The following ANK2 variants were observed in gnomAD, a reference collection of about 807,000 sequenced individuals.
ANK2 encodes ankyrin 2.
Under a neutral mutation model 360.5 loss-of-function variants are expected in ANK2, and 83 were observed. The ratio of observed to expected loss-of-function variants is 0.23; its 90% CI spans 0.19 to 0.28. ANK2 has a LOEUF of 0.28. ANK2 is among the 10% of genes least tolerant of loss of function. ANK2 has a pLI of 1.00. For missense variants in ANK2, 4,201 were observed against 4,795.7 expected, an observed-to-expected ratio of 0.88 and a Z score of 3.66; for synonymous variants, 1,740 against 1,759.5, an observed-to-expected ratio of 0.99 and a Z score of 0.28.
chr4:113,165,226 A>G (rs990289237), intron 1 of ANK2, among the ~76,000 whole-genome samples: 1 of 152,202 alleles, frequency 6.6e-6, no homozygotes, highest in Non-Finnish European at 1.5e-5. Flanking sequence ...TGTTTTAAAA[A>G]TAAGTTTTTC....
chr4:112,918,867 C>T (rs560923628), intron 2 of ANK2, among the ~76,000 whole-genome samples: 5 of 152,216 alleles, frequency 3.3e-5, no homozygotes, highest in Admixed American at 6.5e-5. Flanking sequence ...TTGGCTACTT[C>T]TTGAACGTGG....
Position 113,323,743 on chromosome 4 carries a change from A to G in ANK2, c.2900+5123A>G, listed in dbSNP as rs1007302035. ...ATCCGTTCCTTCTCTGTGCTAAAGT[A>G]TCTATTCTGTTGCAGCCGCGCCTCT... On this transcript the variant is annotated intron_variant, in intron 26 of 45. Coordinates refer to ENST00000357077, the MANE Select transcript of ANK2 (RefSeq NM_001148.6). 3.1e-6 allele frequency: 5 copies of G among 1,610,122 alleles called. No homozygotes were observed. The African/African-American group carries it at 4.0e-5, about 13-fold the overall frequency.
At chr4:112,900,413 C>T (rs564081023) in intron 1 of ANK2, among the ~76,000 whole-genome samples, 58 of 152,036 alleles carry the variant, frequency 3.8e-4, no homozygotes, top group African/African-American at 1.3e-3. Context: ...ACATTGCTTT[C>T]GGTTATGGTG....
chr4:113,126,233 T>C (rs960451651), intron 1 of ANK2, among the ~76,000 whole-genome samples: 1 of 152,180 alleles, frequency 6.6e-6, no homozygotes, highest in African/African-American at 2.4e-5. Flanking sequence ...TTTACAAAGA[T>C]CTGATGGCAG....
At chr4:113,223,017 T>C (rs1347363048) in intron 4 of ANK2, among the ~76,000 whole-genome samples, 1 of 152,222 alleles carries the variant, frequency 6.6e-6, no homozygotes, top group Non-Finnish European at 1.5e-5. Context: ...AAGTAGTCTT[T>C]ATTTTTGTGA....
Position 113,235,150 on chromosome 4 carries a change from C to A in ANK2, c.484-1837C>A, listed in dbSNP as rs940363474. On this transcript the variant is annotated intron_variant, in intron 5 of 45. Coordinates refer to ENST00000357077, the MANE Select transcript of ANK2 (RefSeq NM_001148.6). ...CTAAGAAAAAGATTAATTTCACACTCTTTTAATATAAACTATCACAGTGCT... is the reference window on the plus strand; with the variant it reads ...CTAAGAAAAAGATTAATTTCACACTATTTTAATATAAACTATCACAGTGCT... 2.0e-5 allele frequency among the ~76,000 whole-genome samples: 3 copies of A among 152,188 alleles called. No individual in the cohort carries two copies. In the South Asian group the frequency reaches 6.2e-4, roughly 31 times the overall value.
chr4:113,357,883 A>G lies in ANK2; in HGVS notation c.9265A>G (p.Thr3089Ala). Residue 3089 changes from threonine (T) to alanine (A), a missense_variant, in exon 38 of 46, where the codon ACT becomes GCT. Thr to Ala is a moderately conservative substitution (Grantham distance 58). Around this residue, in one of 4 missense-constraint regions of ANK2, gnomAD observed 2,642 missense variants for 2,714.5 expected, o/e 0.97. Coordinates refer to ENST00000357077, the MANE Select transcript of ANK2 (RefSeq NM_001148.6). ...TPDTTPARTP[T>A]EEGTPTSEQN... The stretch of plus-strand genomic sequence containing the variant: ...TGACACCACTCCTGCTAGGACCCCA[A>G]CTGAAGAGGGGACCCCAACAAGTGA... 1 of 1,614,046 alleles carries G rather than the reference A, an allele frequency of 6.2e-7. No homozygotes were observed. The highest frequency in any genetic ancestry group is 8.5e-7 in the Non-Finnish European group (1 of 1,179,962).
chr4:112,769,133 G>A, the ANK2 span, among the ~76,000 whole-genome samples: 8 of 152,128 alleles, frequency 5.3e-5, no homozygotes, highest in Admixed American at 2.0e-4. Flanking sequence ...TTGGATAACT[G>A]GTTTCTTCTT....
At chr4:113,110,004 C>T (rs1035731101) in intron 1 of ANK2, among the ~76,000 whole-genome samples, 4 of 152,048 alleles carry the variant, frequency 2.6e-5, no homozygotes, top group Admixed American at 6.6e-5. Flanking sequence ...TGAGTTTGCA[C>T]GAGTGGGCAT....
chr4:112,808,606 A>T, the ANK2 span, among the ~76,000 whole-genome samples: 1 of 152,318 alleles, frequency 6.6e-6, no homozygotes, highest in East Asian at 1.9e-4. Flanking sequence ...AAACAAGAAG[A>T]CAGAAACACC....
At chr4:113,188,280 A>G (rs1006797813) in intron 2 of ANK2, among the ~76,000 whole-genome samples, 4 of 152,196 alleles carry the variant, frequency 2.6e-5, no homozygotes, top group African/African-American at 9.6e-5. Context: ...ATTAATTGTT[A>G]TAATTTCTTT....
chr4:112,914,316 G>A lies in ANK2; in HGVS notation c.21+9802G>A, dbSNP rs184258348. Among the ~76,000 whole-genome samples the A allele has an allele frequency of 1.2e-4, 19 of 152,290 alleles. No homozygotes were observed. The East Asian group carries it at 2.5e-3, about 20-fold the overall frequency. ...TAGGGTAAAATTAGGTGTGCATATC[G>A]TATCTAAAGTGAACTAAAATCTGGC... On this transcript the variant is annotated intron_variant, in intron 2 of 30. Coordinates refer to the ANK2 transcript ENST00000503271.
chr4:113,168,445 C>G (rs1583642362), intron 1 of ANK2, among the ~76,000 whole-genome samples: 1 of 152,154 alleles, frequency 6.6e-6, no homozygotes, highest in Non-Finnish European at 1.5e-5. Flanking sequence ...AACACAAAGG[C>G]CATTGGATTA....
chr4:112,945,851 C>T (rs1296598503), intron 2 of ANK2, among the ~76,000 whole-genome samples: 1 of 152,120 alleles, frequency 6.6e-6, no homozygotes, highest in Non-Finnish European at 1.5e-5. Flanking sequence ...CAGAGCCTTG[C>T]CTAGAACCCA....
intron 1 of ANK2, among the ~76,000 whole-genome samples, chr4:113,078,003 T>C (rs1032292524): frequency 1.3e-4 from 20 of 152,180 alleles, no homozygotes; most frequent in African/African-American, 4.3e-4. Flanking sequence ...GGAAACTCAA[T>C]TGGACATCAG....
intron 1 of ANK2, among the ~76,000 whole-genome samples, chr4:113,086,587 C>T (rs943406762): frequency 6.6e-6 from 1 of 152,110 alleles, no homozygotes. Flanking sequence ...AGACAATTAA[C>T]ACATAAGCCA....
At chr4:113,117,324 G>A (rs2094905822) in intron 1 of ANK2, 1 of 456,122 alleles carries the variant, frequency 2.2e-6, no homozygotes, top group Middle Eastern at 3.3e-4. Flanking sequence ...AAAAAAGTTC[G>A]AGAGGCTGAT....
intron 5 of ANK2, among the ~76,000 whole-genome samples, chr4:113,234,514 A>G (rs150016507): frequency 2.6e-5 from 4 of 152,232 alleles, no homozygotes; most frequent in Non-Finnish European, 4.4e-5. Context: ...AAATCTTTAC[A>G]TATTCCTTTT....
chr4:113,114,562 AT>A (rs35044390), intron 1 of ANK2, among the ~76,000 whole-genome samples: 99,367 of 151,616 alleles, frequency 0.66, 32,854 homozygotes, highest in Non-Finnish European at 0.68. Flanking sequence ...CCATCCCTAA[AT>A]TTTTTTTTAC....
Sources: gnomAD v4.1 joint callset for allele counts (sites outside exome capture counted in the v4.1 genomes callset) on GRCh38, gnomAD v4.1.1 for gene constraint, gnomAD v4.1.1 regional missense constraint, MANE v1.5 for transcripts, NCBI Gene and HGNC (gene_info 2026-07-23, HGNC 2026-07-21) for gene names.